The following FOXJ3 variants were observed in gnomAD, a reference collection of about 807,000 sequenced individuals.
FOXJ3 encodes forkhead box J3, also known as forkhead box protein J3.
Under a neutral mutation model 76.1 loss-of-function variants are expected in FOXJ3, and 22 were observed. That is an observed-to-expected ratio of 0.29 (90% CI 0.21 to 0.41). The LOEUF is 0.41. Ranked by LOEUF, FOXJ3 falls within the 10% of genes least tolerant of loss-of-function variation. The pLI, the probability that FOXJ3 is intolerant of heterozygous loss-of-function variation, is 1.00. For missense variants in FOXJ3, 613 were observed against 762.1 expected, an observed-to-expected ratio of 0.80 and a Z score of 2.30; for synonymous variants, 269 against 261.2, an observed-to-expected ratio of 1.03 and a Z score of -0.29.
In FOXJ3 at chr1:42,182,047, G is replaced by C. The variant is rs778830813; in HGVS notation, c.1646-23C>G. ...TTCCTAATCAGATTAAAAGCAGAAA[G>C]AGGGAAAACATGTTACCACAAATAA... On this transcript the variant is annotated intron_variant, in intron 11 of 12. Transcript: ENST00000361346. 5.1e-6 allele frequency: 7 copies of C among 1,368,580 alleles called. No individual in the cohort carries two copies. The African/African-American group carries it at 1.0e-4, about 20-fold the overall frequency. The allele number at this position is 1,368,580 out of a possible 1,614,324, so 84.8% of individuals were successfully genotyped here.
intron 4 of FOXJ3, among the ~76,000 whole-genome samples, chr1:42,254,470 T>C (rs1229457221): frequency 1.4e-5 from 2 of 144,600 alleles, no homozygotes; most frequent in Non-Finnish European, 3.0e-5. Context: ...ACTGGGTATA[T>C]ACCCAAAGGA....
intron 4 of FOXJ3, among the ~76,000 whole-genome samples, chr1:42,255,127 G>A (rs1480267304): frequency 6.6e-6 from 1 of 152,102 alleles, no homozygotes; most frequent in African/African-American, 2.4e-5. Flanking sequence ...CAAATCCTAA[G>A]ACGGGATTTA....
chr1:42,244,791 GAATA>G (rs1649415047), intron 4 of FOXJ3, among the ~76,000 whole-genome samples: 1 of 152,024 alleles, frequency 6.6e-6, no homozygotes. Context: ...GAGAGGAAAT[GAATA>G]AATTCATGGA....
At chr1:42,216,872 G>C (rs954035564) in intron 5 of FOXJ3, among the ~76,000 whole-genome samples, 1 of 152,170 alleles carries the variant, frequency 6.6e-6, no homozygotes, top group African/African-American at 2.4e-5. Flanking sequence ...GAAAAGAGAT[G>C]AAACTAAAAA....
At chr1:42,286,777 G>A (rs1365259906) in intron 2 of FOXJ3, among the ~76,000 whole-genome samples, 3 of 152,100 alleles carry the variant, frequency 2.0e-5, no homozygotes, top group South Asian at 4.2e-4. Context: ...GGGATTACAG[G>A]TGTGTGCCAC....
At chr1:42,295,931 T>C (rs1356739171) in intron 2 of FOXJ3, among the ~76,000 whole-genome samples, 1 of 152,202 alleles carries the variant, frequency 6.6e-6, no homozygotes, top group Non-Finnish European at 1.5e-5. Context: ...TTGAGAAATC[T>C]CCATAGTTTT....
chr1:42,183,458 A>T (rs1646371406), intron 11 of FOXJ3, among the ~76,000 whole-genome samples: 1 of 151,516 alleles, frequency 6.6e-6, no homozygotes, highest in South Asian at 2.1e-4. Flanking sequence ...AGGAGACATC[A>T]AGTGTTATCG....
rs76410912 is a variant in FOXJ3, at chr1:42,211,121, C to T, written c.529-5258G>A. Among the ~76,000 whole-genome samples, 907 of 152,210 alleles carry T rather than the reference C, an allele frequency of 6.0e-3. 7 individuals carry two copies. The highest frequency in any genetic ancestry group is 0.021 in the African/African-American group (853 of 41,526). Reference sequence around the variant, plus strand: ...CCCAAAGTCAGGCGGCCCTGGTGCTCGTGAAGGGTCTTGAAGAAGATTGGG... The same window carrying T: ...CCCAAAGTCAGGCGGCCCTGGTGCTTGTGAAGGGTCTTGAAGAAGATTGGG... On this transcript the variant is annotated intron_variant, in intron 5 of 12. Coordinates refer to ENST00000361346, the MANE Select transcript of FOXJ3 (RefSeq NM_014947.5).
At chr1:42,280,546 T>C (rs564672333) in intron 2 of FOXJ3, 4 of 471,408 alleles carry the variant, frequency 8.5e-6, no homozygotes, top group African/African-American at 4.5e-5. Flanking sequence ...AATAAGAAGA[T>C]AGGATAATTT....
chr1:42,310,332 G>A (rs1448974210), intron 2 of FOXJ3, among the ~76,000 whole-genome samples: 4 of 152,058 alleles, frequency 2.6e-5, no homozygotes, highest in South Asian at 2.1e-4. Context: ...TTTTAGTAGA[G>A]ATGGGGTTTC....
chr1:42,201,395 C>A (rs1646762428), intron 6 of FOXJ3, among the ~76,000 whole-genome samples: 1 of 152,126 alleles, frequency 6.6e-6, no homozygotes, highest in Admixed American at 6.5e-5. Context: ...ATATTCTTTA[C>A]CACACTGAAA....
intron 5 of FOXJ3, 103 bp from the exon 6 acceptor site, chr1:42,205,966 C>A: frequency 1.5e-6 from 1 of 653,502 alleles, no homozygotes; most frequent in Non-Finnish European, 2.6e-6. Context: ...CAGTTTTGTG[C>A]TTTGTTTCTG....
Position 42,191,292 on chromosome 1 carries a change from C to T in FOXJ3, c.1351+11G>A. 1 of 1,527,740 alleles carries T rather than the reference C, an allele frequency of 6.5e-7. No individual in the cohort carries two copies. Among genetic ancestry groups the T allele is most frequent in the Non-Finnish European group, 8.8e-7 (1 of 1,134,528 alleles). 94.6% of individuals were successfully genotyped at this position (1,527,740 alleles called of 1,614,324 possible). A position where few individuals can be genotyped will look rare whatever the true frequency, so the allele number is the denominator to read the frequency against. On this transcript the variant is annotated intron_variant, in intron 9 of 12. Transcript: ENST00000361346. ...AGTTAGCCAAACACAAACCAGGAGACAAAAACTTACCAGAATTACAGGATA... is the reference window on the plus strand; with the variant it reads ...AGTTAGCCAAACACAAACCAGGAGATAAAAACTTACCAGAATTACAGGATA...
intron 2 of FOXJ3, chr1:42,280,373 C>T: frequency 2.1e-6 from 2 of 968,092 alleles, no homozygotes; most frequent in Non-Finnish European, 2.4e-6. Context: ...TTCCCTCCAT[C>T]TCTATTGTAC....
intron 2 of FOXJ3, among the ~76,000 whole-genome samples, chr1:42,295,559 C>T (rs1309167886): frequency 1.6e-5 from 2 of 125,474 alleles, no homozygotes; most frequent in Non-Finnish European, 3.2e-5. Flanking sequence ...GACACAGTCT[C>T]ACTCTGTCCC....
At chr1:42,288,919 T>C (rs1286284055) in intron 2 of FOXJ3, among the ~76,000 whole-genome samples, 2 of 152,314 alleles carry the variant, frequency 1.3e-5, no homozygotes, top group South Asian at 4.1e-4. Flanking sequence ...TTATCTATGT[T>C]GGCAAAGGGT....
rs993202809 is a variant in FOXJ3, at chr1:42,178,086, G to T, written c.*1624C>A. The T allele has an allele frequency of 6.6e-6, 1 of 152,342 alleles. No homozygotes were observed. Among genetic ancestry groups the T allele is most frequent in the African/African-American group, 2.4e-5 (1 of 41,338 alleles). 9.4% of individuals were successfully genotyped at this position (152,342 alleles called of 1,614,324 possible). On this transcript the variant is annotated 3_prime_UTR_variant, in exon 13 of 13. Transcript: ENST00000361346. ...AAGATAATCAGTCCATGCAAACTGT[G>T]ATATGATATGAAACAAAACAAACCA...
At chr1:42,220,028 TA>T (rs1206226789) in intron 5 of FOXJ3, among the ~76,000 whole-genome samples, 1 of 152,258 alleles carries the variant, frequency 6.6e-6, no homozygotes, top group Non-Finnish European at 1.5e-5. Context: ...TTTACATTTC[TA>T]ACAAGTGCAT....
intron 4 of FOXJ3, among the ~76,000 whole-genome samples, chr1:42,229,299 TC>T (rs1470945266): frequency 6.6e-6 from 1 of 152,222 alleles, no homozygotes; most frequent in Non-Finnish European, 1.5e-5. Context: ...TGTATCCCCT[TC>T]TAGGCTATAA....
Sources: allele counts gnomAD v4.1 joint callset (sites outside exome capture counted in the v4.1 genomes callset), GRCh38; gene constraint gnomAD v4.1.1; transcripts MANE v1.5; gene names NCBI Gene and HGNC (gene_info 2026-07-23, HGNC 2026-07-21).